The following CCDC179 variants were observed in gnomAD, a reference collection of about 807,000 sequenced individuals.
The protein encoded by CCDC179 is coiled-coil domain containing 179, also known as coiled-coil domain-containing protein 179.
A neutral mutation model predicts 12.0 loss-of-function variants in CCDC179; 17 were observed. The ratio of observed to expected loss-of-function variants is 1.42; its 90% CI spans 0.97 to 2.13. CCDC179 has a LOEUF of 2.13. Ranked by LOEUF, CCDC179 falls within the 30% of genes most tolerant of loss-of-function variation. The probability of loss-of-function intolerance (pLI) is 0.00; values close to 1 mark genes in which losing one functional copy is unlikely to be tolerated. For synonymous variants in CCDC179, 27 were observed against 26.4 expected (o/e 1.02, Z -0.07); for missense variants, 83 against 78.6 (o/e 1.06, Z -0.21).
intron 3 of CCDC179, among the ~76,000 whole-genome samples, chr11:22,852,090 A>G (rs1182516842): frequency 1.3e-5 from 2 of 151,964 alleles, no homozygotes; most frequent in East Asian, 3.9e-4. Context: ...GAAATACACA[A>G]CTCCTGTTCC....
intron 3 of CCDC179, 117 bp downstream of exon 3, chr11:22,857,805 G>A: frequency 8.2e-6 from 4 of 485,954 alleles, no homozygotes; most frequent in Non-Finnish European, 1.4e-5. Context: ...ACTGAAATTA[G>A]AAATTTCTCA....
chr11:22,859,127 A>G (rs1475613237), intron 2 of CCDC179, among the ~76,000 whole-genome samples: 1 of 152,154 alleles, frequency 6.6e-6, no homozygotes, highest in Non-Finnish European at 1.5e-5. Flanking sequence ...TAGGAGGTAG[A>G]ATAGAAAAGC....
chr11:22,859,803 C>T (rs879458108), intron 1 of CCDC179, among the ~76,000 whole-genome samples: 1 of 152,044 alleles, frequency 6.6e-6, no homozygotes, highest in Non-Finnish European at 1.5e-5. Flanking sequence ...TACGAGAAAT[C>T]GAAAAATGCA....
chr11:22,847,626 C>A, intron 3 of CCDC179, 105 bp from the exon 4 acceptor site: 1 of 499,498 alleles, frequency 2.0e-6, no homozygotes. Context: ...CATGGAAAAC[C>A]TATTTCATAC....
At chr11:22,848,156 A>T (rs1481488877) in intron 3 of CCDC179, among the ~76,000 whole-genome samples, 1 of 152,204 alleles carries the variant, frequency 6.6e-6, no homozygotes, top group Non-Finnish European at 1.5e-5. Flanking sequence ...TTATTATATA[A>T]AAGTTGGCCA....
At chr11:22,850,970 A>ATTTTTT (rs1564915139) in intron 3 of CCDC179, among the ~76,000 whole-genome samples, 2 of 6,340 alleles carry the variant, frequency 3.2e-4, no homozygotes, top group Non-Finnish European at 5.7e-4. Flanking sequence ...ATATATATAT[A>ATTTTTT]TATATATTTT....
At position 22,857,938 on chromosome 11, in the gene CCDC179, G is replaced by T. The variant is rs769723962; in HGVS notation, c.179C>A (p.Pro60Gln). ...TATACTTACTAGGAGTCCTGGTTCT[G>T]GAATAGGAGAAGGCCTTGAAAACCT... ...NKRFSRPSPIPEPGLLWSS is the reference protein window; with the variant it reads ...NKRFSRPSPIQEPGLLWSS The change falls in exon 3 of 4, where the codon CCA (proline) becomes CAA (glutamine). Residue 60 changes from proline (P) to glutamine (Q), a missense_variant. By Grantham distance (76) the Pro-to-Gln change is moderately conservative. Coordinates refer to ENST00000532798, the MANE Select transcript of CCDC179 (RefSeq NM_001195637.2). 2 of 1,517,718 alleles carry T rather than the reference G, an allele frequency of 1.3e-6. No individual in the cohort carries two copies. Among genetic ancestry groups the T allele is most frequent in the South Asian group, 2.5e-5 (2 of 81,288 alleles). 94.0% of individuals were successfully genotyped at this position (1,517,718 alleles called of 1,614,324 possible).
intron 3 of CCDC179, among the ~76,000 whole-genome samples, chr11:22,851,194 A>G (rs1349077344): frequency 6.6e-6 from 1 of 151,290 alleles, no homozygotes; most frequent in Non-Finnish European, 1.5e-5. Flanking sequence ...CTTTGTTGAT[A>G]GTTAAGGCAA....
chr11:22,860,221 G>A (rs189064193), intron 1 of CCDC179, among the ~76,000 whole-genome samples, 156 bp downstream of exon 1: 13 of 152,298 alleles, frequency 8.5e-5, no homozygotes, highest in Admixed American at 6.5e-4. Flanking sequence ...CAGCAGTCAG[G>A]ATGTAGTCTG....
At chr11:22,848,275 C>G (rs1277696929) in intron 3 of CCDC179, among the ~76,000 whole-genome samples, 1 of 152,116 alleles carries the variant, frequency 6.6e-6, no homozygotes, top group African/African-American at 2.4e-5. Context: ...GAAACCCCAT[C>G]TCTACTAAAA....
intron 3 of CCDC179, among the ~76,000 whole-genome samples, chr11:22,853,713 A>G (rs1357508537): frequency 3.3e-5 from 5 of 151,828 alleles, no homozygotes; most frequent in Non-Finnish European, 7.4e-5. Context: ...AGGAAGAAGA[A>G]GAAAGAAGAA....
chr11:22,859,588 T>A, intron 1 of CCDC179, 92 bp from the exon 2 acceptor site: 2 of 637,100 alleles, frequency 3.1e-6, no homozygotes, highest in Non-Finnish European at 4.8e-6. Context: ...ATGCTACTTT[T>A]AAATTTATGT....
At chr11:22,848,209 G>T (rs7924358) in intron 3 of CCDC179, among the ~76,000 whole-genome samples, 2 of 152,184 alleles carry the variant, frequency 1.3e-5, no homozygotes, top group African/African-American at 4.8e-5. Flanking sequence ...TTTGGGAGGC[G>T]GAGACAGGAG....
At chr11:22,851,380 C>A (rs1474611655) in intron 3 of CCDC179, among the ~76,000 whole-genome samples, 2 of 151,996 alleles carry the variant, frequency 1.3e-5, no homozygotes, top group Non-Finnish European at 2.9e-5. Context: ...TCCTCACAGT[C>A]TGAAAAAGGA....
At chr11:22,850,949 T>TATATATAC (rs1312412985) in intron 3 of CCDC179, among the ~76,000 whole-genome samples, 8 of 9,522 alleles carry the variant, frequency 8.4e-4, no homozygotes, top group African/African-American at 1.9e-3. Flanking sequence ...GCTATATATA[T>TATATATAC]ATATATATAT....
At position 22,847,424 on chromosome 11, in the gene CCDC179, G is replaced by T; in HGVS notation, c.*86C>A. The T allele has an allele frequency of 3.9e-6, 3 of 774,288 alleles. No individual in the cohort carries two copies. Among genetic ancestry groups the T allele is most frequent in the South Asian group, 2.7e-5 (1 of 36,756 alleles). 48.0% of individuals were successfully genotyped at this position (774,288 alleles called of 1,614,324 possible). A position where few individuals can be genotyped will look rare whatever the true frequency, so the allele number is the denominator to read the frequency against. On this transcript the variant is annotated 3_prime_UTR_variant, in exon 4 of 4. Coordinates refer to ENST00000532798, the MANE Select transcript of CCDC179 (RefSeq NM_001195637.2). The stretch of plus-strand genomic sequence containing the variant: ...GGAGTATTGCATTTATTTTGTGGAT[G>T]ATCAATTCATGATATGTCACTTGAT...
Position 22,847,342 on chromosome 11 carries a change from T to C in CCDC179, c.*168A>G. ...TGAGAGATGGCATTTAATAAAATTC[T>C]AGAGCCTGTAGCTTGGATATTAAAT... On this transcript the variant is annotated 3_prime_UTR_variant, in exon 4 of 4. Transcript: ENST00000532798. 2 of 390,868 alleles carry C rather than the reference T, an allele frequency of 5.1e-6. No homozygotes were observed. Among genetic ancestry groups the C allele is most frequent in the Non-Finnish European group, 4.5e-6 (1 of 223,962 alleles). The allele number at this position is 390,868 out of a possible 1,614,324, so 24.2% of individuals were successfully genotyped here.
At chr11:22,860,267 A>G in intron 1 of CCDC179, 110 bp downstream of exon 1, 1 of 1,277,946 alleles carries the variant, frequency 7.8e-7, no homozygotes, top group Non-Finnish European at 1.1e-6. Flanking sequence ...CCCCAGCACC[A>G]AACCACATTT....
intron 3 of CCDC179, among the ~76,000 whole-genome samples, chr11:22,848,305 G>A (rs199894502): frequency 6.6e-5 from 10 of 152,066 alleles, no homozygotes; most frequent in African/African-American, 1.2e-4. Flanking sequence ...TTAGCTAGGC[G>A]TGGTGGCACA....
Sources: gnomAD v4.1 joint callset for allele counts (sites outside exome capture counted in the v4.1 genomes callset) on GRCh38, gnomAD v4.1.1 for gene constraint, MANE v1.5 for transcripts, NCBI Gene and HGNC (gene_info 2026-07-23, HGNC 2026-07-21) for gene names.